ERCC8: variants seen among roughly 807,000 people sequenced by gnomAD.
The protein encoded by ERCC8 is ERCC excision repair 8, CSA ubiquitin ligase complex subunit, also known as DNA excision repair protein ERCC-8.
Under a neutral mutation model 54.9 loss-of-function variants are expected in ERCC8, and 52 were observed. The ratio of observed to expected loss-of-function variants is 0.95; its 90% CI spans 0.76 to 1.19. ERCC8 has a LOEUF of 1.19. ERCC8 is among the 50% of genes most tolerant of loss of function. The pLI, the probability that ERCC8 is intolerant of heterozygous loss-of-function variation, is 0.00. For missense variants in ERCC8, 514 were observed against 466.1 expected (o/e 1.10, Z -0.95); for synonymous variants, 146 against 157.2 (o/e 0.93, Z 0.53).
Position 60,918,292 on chromosome 5 carries a change from CAG to C in ERCC8, c.370_371del (p.Leu124GlufsTer15), listed in dbSNP as rs1188451775. 6.3e-7 allele frequency: 1 copy of C among 1,599,196 alleles called. No individual in the cohort carries two copies. The highest frequency in any genetic ancestry group is 1.1e-5 in the South Asian group (1 of 90,744). On this transcript the variant is annotated frameshift_variant, in exon 4 of 12. Transcript: ENST00000676185. LOFTEE classifies it high-confidence loss of function. ...GTAATGTATTTGTATCCCATACTTTCAGAGTTTTATCAAATGAGCTTGATGTG... is the reference window on the plus strand; with the variant it reads ...GTAATGTATTTGTATCCCATACTTTCAGTTTTATCAAATGAGCTTGATGTG... ...MFTSSSFDKT[L>X]KVWDTNTLQT...
intron 9 of ERCC8, chr5:60,893,391 G>T: frequency 1.2e-6 from 1 of 865,244 alleles, no homozygotes; most frequent in Non-Finnish European, 2.0e-6. Context: ...GCAGCTTGCT[G>T]CTTCTCCCTC....
intron 9 of ERCC8, chr5:60,892,775 G>C: frequency 1.4e-6 from 1 of 690,522 alleles, no homozygotes; most frequent in South Asian, 1.6e-5. Context: ...GCAGCCGGAT[G>C]AACTTGTCCA....
At chr5:60,929,105 G>A (rs1222676238) in intron 1 of ERCC8, 146 bp from the exon 2 acceptor site, 4 of 596,652 alleles carry the variant, frequency 6.7e-6, no homozygotes, top group Non-Finnish European at 1.2e-5. Context: ...TAGATTTTTA[G>A]ACATCTTGTA....
Position 60,866,742 on chromosome 5 carries a change from C to G in ERCC8, c.*7873G>C, listed in dbSNP as rs555094926. 2.6e-5 allele frequency: 4 copies of G among 152,268 alleles called. No homozygotes were observed. In the South Asian group the frequency reaches 8.3e-4, roughly 32 times the overall value. The allele number at this position is 152,268 out of a possible 1,614,324, so 9.4% of individuals were successfully genotyped here. ...TATAATTAGTTTAGAACCTAAGCCT[C>G]TAATTATTTATGCATACCATTTTTA... On this transcript the variant is annotated 3_prime_UTR_variant, in exon 12 of 12. Coordinates refer to ENST00000676185, the MANE Select transcript of ERCC8 (RefSeq NM_000082.4).
intron 1 of ERCC8, 24 bp from the exon 2 acceptor site, chr5:60,928,983 G>A (rs1580040515): frequency 7.6e-7 from 1 of 1,313,460 alleles, no homozygotes; most frequent in East Asian, 2.3e-5. Context: ...GGGGGAGAAA[G>A]AAATTAACAA....
rs201915477 is a variant in ERCC8, at chr5:60,887,445, C to A, written c.1117G>T (p.Asp373Tyr). 2.7e-5 allele frequency: 44 copies of A among 1,609,842 alleles called. No homozygotes were observed. In the Admixed American group the frequency reaches 7.3e-4, roughly 27 times the overall value. The change falls in exon 11 of 12, where the codon GAT (aspartate) becomes TAT (tyrosine). Residue 373 changes from aspartate (D) to tyrosine (Y), a missense_variant. By Grantham distance (160) the Asp-to-Tyr change is radical. Coordinates refer to ENST00000676185, the MANE Select transcript of ERCC8 (RefSeq NM_000082.4). ...TTTGTGAAAATAATATTTACCTCAT[C>A]ATCATCAGGAACTGGTTCATATAAG... Reference protein sequence around the residue: ...PSLYEPVPDDDETTTKSQLNP... With the variant: ...PSLYEPVPDDYETTTKSQLNP...
chr5:60,919,102 T>C (rs1270283045), intron 3 of ERCC8, among the ~76,000 whole-genome samples: 1 of 152,010 alleles, frequency 6.6e-6, no homozygotes, highest in Non-Finnish European at 1.5e-5. Context: ...AGAGGGAAAT[T>C]TGAACACAGA....
In ERCC8 at chr5:60,868,193, A is replaced by T. The variant is rs553093109; in HGVS notation, c.*6422T>A. Among the ~76,000 whole-genome samples, 1 of 152,322 alleles carries T rather than the reference A, an allele frequency of 6.6e-6. No homozygotes were observed. The highest frequency in any genetic ancestry group is 1.9e-4 in the East Asian group (1 of 5,186). ...AAACTAGTTCTGTAAAACTTATGCA[A>T]CCACCATTAACAAACTGTCAAGGCA... On this transcript the variant is annotated 3_prime_UTR_variant, in exon 12 of 12. Coordinates refer to ENST00000676185, the MANE Select transcript of ERCC8 (RefSeq NM_000082.4).
At chr5:60,901,753 C>T (rs184690962) in intron 7 of ERCC8, among the ~76,000 whole-genome samples, 5 of 152,062 alleles carry the variant, frequency 3.3e-5, no homozygotes, top group African/African-American at 9.6e-5. Context: ...CCAATTATTC[C>T]CTCCATTTCT....
chr5:60,894,124 A>C (rs1057392689), intron 9 of ERCC8, among the ~76,000 whole-genome samples: 2 of 151,646 alleles, frequency 1.3e-5, no homozygotes, highest in African/African-American at 4.8e-5. Context: ...AGCTGGGACT[A>C]CAGGCGACCG....
chr5:60,887,830 ATAGT>A (rs1748440550), intron 10 of ERCC8, among the ~76,000 whole-genome samples: 1 of 152,230 alleles, frequency 6.6e-6, no homozygotes, highest in Non-Finnish European at 1.5e-5. Flanking sequence ...AAAGAAAAAA[ATAGT>A]TTGTCTTTCT....
intron 2 of ERCC8, among the ~76,000 whole-genome samples, chr5:60,926,216 A>G (rs527250788): frequency 9.8e-5 from 15 of 152,346 alleles, no homozygotes; most frequent in African/African-American, 3.4e-4. Context: ...GATTTTGAAC[A>G]AAATACAATT....
chr5:60,868,657 T>A lies in ERCC8; in HGVS notation c.*5958A>T, dbSNP rs1444907725. Among the ~76,000 whole-genome samples the A allele has an allele frequency of 6.6e-6, 1 of 152,218 alleles. No individual in the cohort carries two copies. The highest frequency in any genetic ancestry group is 1.9e-4 in the East Asian group (1 of 5,198). ...ATAGAGCTAGCAAGATAGAAAAATT[T>A]GTATTATAATAAATGATTTGTAATA... On this transcript the variant is annotated 3_prime_UTR_variant, in exon 12 of 12. Transcript: ENST00000676185.
chr5:60,911,822 T>A (rs1749275733), intron 4 of ERCC8, among the ~76,000 whole-genome samples: 2 of 152,280 alleles, frequency 1.3e-5, no homozygotes, highest in South Asian at 2.1e-4. Context: ...CTAGCCAGTT[T>A]TCCCAGCACC....
At chr5:60,911,023 T>A (rs1749242187) in intron 4 of ERCC8, among the ~76,000 whole-genome samples, 1 of 152,132 alleles carries the variant, frequency 6.6e-6, no homozygotes, top group Non-Finnish European at 1.5e-5. Flanking sequence ...GGAATTTCTC[T>A]TCTATTCCTA....
intron 2 of ERCC8, among the ~76,000 whole-genome samples, chr5:60,926,123 C>T (rs943041975): frequency 6.6e-6 from 1 of 152,140 alleles, no homozygotes; most frequent in Non-Finnish European, 1.5e-5. Flanking sequence ...CTGCACCCGG[C>T]CTGTCATCTT....
At chr5:60,889,763 A>T (rs1748495572) in intron 10 of ERCC8, among the ~76,000 whole-genome samples, 1 of 152,256 alleles carries the variant, frequency 6.6e-6, no homozygotes, top group Non-Finnish European at 1.5e-5. Context: ...TTCTTTGAAT[A>T]CAAACACATG....
intron 5 of ERCC8, among the ~76,000 whole-genome samples, 158 bp downstream of exon 5, chr5:60,904,634 G>GTGTATATATATA (rs1406862264): frequency 8.0e-5 from 4 of 49,930 alleles, no homozygotes; most frequent in African/African-American, 3.4e-4. Context: ...GTGTGTGTGT[G>GTGTATATATATA]TATATATATA....
intron 1 of ERCC8, among the ~76,000 whole-genome samples, chr5:60,931,934 C>T (rs1351307000): frequency 6.6e-6 from 1 of 152,152 alleles, no homozygotes; most frequent in African/African-American, 2.4e-5. Flanking sequence ...AACCAATCTC[C>T]CATCTCCACT....
Sources: allele counts gnomAD v4.1 joint callset (sites outside exome capture counted in the v4.1 genomes callset), GRCh38; gene constraint gnomAD v4.1.1; transcripts MANE v1.5; gene names NCBI Gene and HGNC (gene_info 2026-07-23, HGNC 2026-07-21).